The following PCDHA11 variants were observed in gnomAD, a reference collection of about 807,000 sequenced individuals.
PCDHA11 encodes protocadherin alpha-11.
A neutral mutation model predicts 70.3 loss-of-function variants in PCDHA11; 61 were observed. That is an observed-to-expected ratio of 0.87 (90% confidence interval 0.71 to 1.07). The LOEUF is 1.07. PCDHA11 is among the 50% of genes least tolerant of loss of function. The pLI is 0.00. For missense variants in PCDHA11, 1,324 were observed against 1,237.5 expected, an observed-to-expected ratio of 1.07 and a Z score of -1.05; for synonymous variants, 633 against 555.1, an observed-to-expected ratio of 1.14 and a Z score of -1.97.
chr5:140,905,843 T>C (rs1554192236), intron 1 of PCDHA11, among the ~76,000 whole-genome samples: 1 of 152,126 alleles, frequency 6.6e-6, no homozygotes, highest in South Asian at 2.1e-4. Flanking sequence ...GGGAGTTTAT[T>C]AAGGAGTATT....
intron 3 of PCDHA11, among the ~76,000 whole-genome samples, chr5:141,008,262 G>T (rs1178355094): frequency 6.6e-6 from 1 of 152,198 alleles, no homozygotes; most frequent in Non-Finnish European, 1.5e-5. Flanking sequence ...AGGAGACTGA[G>T]AAGTAATAGG....
At chr5:140,954,831 C>CCT (rs2095096167) in intron 1 of PCDHA11, among the ~76,000 whole-genome samples, 1 of 152,116 alleles carries the variant, frequency 6.6e-6, no homozygotes, top group Admixed American at 6.5e-5. Flanking sequence ...GCACTTTTGT[C>CCT]ATGAAATCTT....
chr5:140,956,775 C>T (rs1176979643), intron 1 of PCDHA11, among the ~76,000 whole-genome samples: 1 of 152,112 alleles, frequency 6.6e-6, no homozygotes, highest in Non-Finnish European at 1.5e-5. Context: ...CTGTCTGGTC[C>T]TGGGCTTTGT....
intron 1 of PCDHA11, among the ~76,000 whole-genome samples, chr5:140,880,775 ATGTT>A (rs1320602954): frequency 6.6e-6 from 1 of 152,230 alleles, no homozygotes; most frequent in Admixed American, 6.5e-5. Context: ...GCTAAAAAGA[ATGTT>A]AGAGGAGTAA....
At chr5:140,971,462 A>G (rs1554233357) in intron 1 of PCDHA11, among the ~76,000 whole-genome samples, 1 of 152,184 alleles carries the variant, frequency 6.6e-6, no homozygotes, top group African/African-American at 2.4e-5. Flanking sequence ...TTTTGCAGTT[A>G]TAGGGAGAGA....
Position 140,869,318 on chromosome 5 carries a change from G to C in PCDHA11, c.215G>C (p.Gly72Ala), listed in dbSNP as rs1373742506. ...TTCCGGGTGGCGTCCAAAACACATG[G>C]GGACCTTCTGGAGGTAAATCTGCAG... ...RLFRVASKTHGDLLEVNLQNG... is the reference protein window; with the variant it reads ...RLFRVASKTHADLLEVNLQNG... The change falls in exon 1 of 4, where the codon GGG becomes GCG. Residue 72 changes from glycine (G) to alanine (A), a missense_variant. Coordinates refer to ENST00000398640, the MANE Select transcript of PCDHA11 (RefSeq NM_018902.5). 3 of 1,613,688 alleles carry C rather than the reference G, an allele frequency of 1.9e-6. No individual in the cohort carries two copies. Among genetic ancestry groups the C allele is most frequent in the Non-Finnish European group, 2.5e-6 (3 of 1,180,020 alleles).
intron 1 of PCDHA11, among the ~76,000 whole-genome samples, chr5:140,902,712 C>T (rs1207971068): frequency 6.6e-6 from 1 of 152,008 alleles, no homozygotes; most frequent in African/African-American, 2.4e-5. Flanking sequence ...CTTTCACTCC[C>T]CTCCCACCCT....
At chr5:140,989,928 A>T (rs2097366853) in intron 3 of PCDHA11, among the ~76,000 whole-genome samples, 1 of 152,032 alleles carries the variant, frequency 6.6e-6, no homozygotes, top group African/African-American at 2.4e-5. Context: ...GCAGAGATAG[A>T]TGACATTCCA....
chr5:140,927,478 C>T (rs959432734), intron 1 of PCDHA11: 12 of 1,613,944 alleles, frequency 7.4e-6, no homozygotes, highest in African/African-American at 1.3e-5. Flanking sequence ...TCGCGAACAG[C>T]GCGCCACCCA....
intron 1 of PCDHA11, chr5:140,884,087 CT>C (rs782425411): frequency 6.2e-7 from 1 of 1,613,564 alleles, no homozygotes; most frequent in South Asian, 1.1e-5. Context: ...CAATGCGTGG[CT>C]TTCGTATGAA....
intron 2 of PCDHA11, among the ~76,000 whole-genome samples, chr5:140,981,204 A>G (rs782466772): frequency 2.6e-5 from 4 of 152,218 alleles, no homozygotes; most frequent in Non-Finnish European, 5.9e-5. Context: ...CTGTTGCCTC[A>G]TATAACCCCT....
chr5:140,884,568 C>T (rs2060268107), intron 1 of PCDHA11: 2 of 1,614,210 alleles, frequency 1.2e-6, no homozygotes, highest in Non-Finnish European at 1.7e-6. Flanking sequence ...CCGCATAAGA[C>T]GGACCTCATG....
intron 1 of PCDHA11, among the ~76,000 whole-genome samples, chr5:140,941,602 A>G (rs1364169026): frequency 1.3e-5 from 2 of 151,994 alleles, no homozygotes; most frequent in African/African-American, 4.8e-5. Flanking sequence ...GCCATGAGCC[A>G]TGGTGCCCAG....
At chr5:140,970,139 A>G (rs1433151291) in intron 1 of PCDHA11, among the ~76,000 whole-genome samples, 3 of 152,124 alleles carry the variant, frequency 2.0e-5, no homozygotes, top group Non-Finnish European at 4.4e-5. Flanking sequence ...AGAAGGGAAA[A>G]AGAATTCTCC....
Position 140,871,165 on chromosome 5 carries a change from C to A in PCDHA11, c.2062C>A (p.Pro688Thr), listed in dbSNP as rs1044550712. 1.4e-5 allele frequency: 22 copies of A among 1,613,372 alleles called. No individual in the cohort carries two copies. Among genetic ancestry groups the A allele is most frequent in the Non-Finnish European group, 1.7e-5 (20 of 1,179,938 alleles). Residue 688 changes from proline to threonine, a missense_variant, in exon 1 of 4, where the codon CCA becomes ACA. Transcript: ENST00000398640. Reference protein sequence around the residue: ...SSRTLAGAASPEAALVDVNVY... With the variant: ...SSRTLAGAASTEAALVDVNVY... ...CCGGACTTTGGCGGGCGCCGCGAGCCCAGAGGCTGCGCTGGTGGATGTCAA... is the reference window on the plus strand; with the variant it reads ...CCGGACTTTGGCGGGCGCCGCGAGCACAGAGGCTGCGCTGGTGGATGTCAA...
At chr5:140,967,268 C>T in intron 1 of PCDHA11, 1 of 1,613,522 alleles carries the variant, frequency 6.2e-7, no homozygotes, top group Non-Finnish European at 8.5e-7. Context: ...AGCGCGCTTT[C>T]ACATAGAGAG....
At chr5:140,883,018 G>T (rs1400637236) in intron 1 of PCDHA11, 2 of 1,613,968 alleles carry the variant, frequency 1.2e-6, no homozygotes, top group East Asian at 2.2e-5. Flanking sequence ...ATAAAGTGAC[G>T]GTGTTAGAGA....
chr5:140,957,746 AG>A (rs1173855054), intron 1 of PCDHA11, among the ~76,000 whole-genome samples: 1 of 152,136 alleles, frequency 6.6e-6, no homozygotes, highest in Non-Finnish European at 1.5e-5. Flanking sequence ...CTGACATGAA[AG>A]GATGTTCATT....
At position 140,993,767 on chromosome 5, in the gene PCDHA11, G is replaced by C. The variant is rs115607244; in HGVS notation, c.2539+11204G>C. ...ATACTTGCCATTATATTACAATTGC[G>C]CAGTATTTTGTACAGTAACATGCTG... On this transcript the variant is annotated intron_variant, in intron 3 of 3. Transcript: ENST00000398640. Among the ~76,000 whole-genome samples, 826 of 152,124 alleles carry C rather than the reference G, an allele frequency of 5.4e-3. 11 individuals are homozygous for C. Among genetic ancestry groups the C allele is most frequent in the African/African-American group, 0.018 (749 of 41,482 alleles).
Sources: allele counts gnomAD v4.1 joint callset (sites outside exome capture counted in the v4.1 genomes callset), GRCh38; gene constraint gnomAD v4.1.1; transcripts MANE v1.5; gene names NCBI Gene and HGNC (gene_info 2026-07-23, HGNC 2026-07-21).